Variants in PRKCQ observed in about 807,000 individuals in gnomAD.
PRKCQ encodes protein kinase C theta type.
In PRKCQ, 41 loss-of-function variants were observed where a neutral mutation model predicts 91.2. The ratio of observed to expected loss-of-function variants is 0.45; its 90% confidence interval spans 0.35 to 0.58. The LOEUF (loss-of-function observed/expected upper bound fraction) is 0.58. Among genes scored for constraint, PRKCQ ranks in the 20% least tolerant of loss-of-function variants. The pLI is 0.00. For synonymous variants in PRKCQ, 307 were observed against 316.9 expected, an observed-to-expected ratio of 0.97 and a Z score of 0.33; for missense variants, 673 against 896.5, an observed-to-expected ratio of 0.75 and a Z score of 3.18.
intron 1 of PRKCQ, among the ~76,000 whole-genome samples, chr10:6,527,146 T>C (rs533597238): frequency 4.6e-5 from 7 of 152,294 alleles, no homozygotes; most frequent in Non-Finnish European, 1.0e-4. Flanking sequence ...TTTGGACACG[T>C]TAACTTTGAG....
In PRKCQ at chr10:6,576,120, G is replaced by A. The variant is rs370315313; in HGVS notation, c.-10+4091C>T. On this transcript the variant is annotated intron_variant, in intron 1 of 17. Coordinates refer to ENST00000263125, the MANE Select transcript of PRKCQ (RefSeq NM_006257.5). This position sits in a 1 kb window ranked among gnomAD's most constrained non-coding sequence, Gnocchi z 4.2. ...TCTACCACTGGTGGGAATGTAAAAC[G>A]GTCCAGCCACTGTGGAAAACAATAT... Among the ~76,000 whole-genome samples the A allele has an allele frequency of 8.5e-5, 13 of 152,124 alleles. No homozygotes were observed. The highest frequency in any genetic ancestry group is 6.8e-3 in the Middle Eastern group (2 of 294).
chr10:6,499,583 A>G (rs1837792874), intron 4 of PRKCQ, among the ~76,000 whole-genome samples: 1 of 152,216 alleles, frequency 6.6e-6, no homozygotes, highest in African/African-American at 2.4e-5. Context: ...TGAATAAATA[A>G]ATAAGGATAA....
chr10:6,438,129 G>A (rs1833792052), intron 16 of PRKCQ, among the ~76,000 whole-genome samples: 1 of 152,196 alleles, frequency 6.6e-6, no homozygotes. Context: ...GAATGGAAGT[G>A]GCTCAAATTT....
At chr10:6,478,790 T>C (rs1353037934) in intron 12 of PRKCQ, among the ~76,000 whole-genome samples, 1 of 152,136 alleles carries the variant, frequency 6.6e-6, no homozygotes, top group Non-Finnish European at 1.5e-5. Context: ...GAAGTAAAGA[T>C]CTTTCCCAAT....
chr10:6,498,486 T>C lies in PRKCQ; in HGVS notation c.452A>G (p.Gln151Arg). The change falls in exon 5 of 18, where the codon CAG (glutamine) becomes CGG (arginine). Residue 151 changes from glutamine (Q) to arginine (R), a missense_variant. By Grantham distance (43) the Gln-to-Arg change is conservative (BLOSUM62 1). Coordinates refer to ENST00000263125, the MANE Select transcript of PRKCQ (RefSeq NM_006257.5). ...ALHQRRGAIKQAKVHHVKCHE... is the reference protein window; with the variant it reads ...ALHQRRGAIKRAKVHHVKCHE... ...GCACTTGACGTGGTGGACCTTTGCC[T>C]GCTTGATGGCACCCCGGCGCTGATG... The C allele has an allele frequency of 6.2e-7, 1 of 1,614,204 alleles. No homozygotes were observed. Among genetic ancestry groups the C allele is most frequent in the Non-Finnish European group, 8.5e-7 (1 of 1,180,020 alleles).
intron 1 of PRKCQ, among the ~76,000 whole-genome samples, chr10:6,534,796 A>C: frequency 6.9e-6 from 1 of 145,220 alleles, no homozygotes; most frequent in Admixed American, 6.8e-5. Context: ...ATATATAGAT[A>C]TATATATATA....
chr10:6,487,683 T>C (rs1381786699), intron 8 of PRKCQ, among the ~76,000 whole-genome samples: 2 of 152,050 alleles, frequency 1.3e-5, no homozygotes, highest in Admixed American at 6.5e-5. Flanking sequence ...GTTTTAGAAA[T>C]TCAAATTTTG....
At chr10:6,553,489 C>CAAA (rs869196227) in intron 1 of PRKCQ, among the ~76,000 whole-genome samples, 4 of 8,896 alleles carry the variant, frequency 4.5e-4, no homozygotes, top group Admixed American at 1.4e-3. Flanking sequence ...GACCCTGTCT[C>CAAA]AAAAAAAAAA....
At chr10:6,467,377 GAGAGAGACAGAC>G (rs1835730088) in intron 12 of PRKCQ, among the ~76,000 whole-genome samples, 1 of 99,202 alleles carries the variant, frequency 1.0e-5, no homozygotes, top group Non-Finnish European at 2.2e-5. Flanking sequence ...GAGAGAGACA[GAGAGAGACAGAC>G]AGAGAGAGAG....
chr10:6,511,947 G>T (rs1028443379), intron 2 of PRKCQ, among the ~76,000 whole-genome samples: 2 of 152,146 alleles, frequency 1.3e-5, no homozygotes, highest in Non-Finnish European at 2.9e-5. Flanking sequence ...TTCACTCTGG[G>T]TTTAAACACC....
chr10:6,500,739 A>G (rs893567446), intron 4 of PRKCQ, among the ~76,000 whole-genome samples: 9 of 152,142 alleles, frequency 5.9e-5, no homozygotes, highest in East Asian at 3.9e-4. Flanking sequence ...ATTCTAATCT[A>G]TTTATGTGGT....
chr10:6,517,588 C>CTTT (rs56306878), intron 1 of PRKCQ, among the ~76,000 whole-genome samples: 633 of 49,474 alleles, frequency 0.013, 79 homozygotes, highest in African/African-American at 0.033. Flanking sequence ...AAGATAGCAT[C>CTTT]TTTTTTTTTT....
At chr10:6,451,766 G>A (rs1834694665) in intron 15 of PRKCQ, among the ~76,000 whole-genome samples, 1 of 152,154 alleles carries the variant, frequency 6.6e-6, no homozygotes, top group African/African-American at 2.4e-5. Context: ...TGCAAGGCTG[G>A]TTCAATATAT....
chr10:6,407,310 C>G, the PRKCQ span, among the ~76,000 whole-genome samples: 1 of 150,360 alleles, frequency 6.7e-6, no homozygotes, highest in African/African-American at 2.5e-5. This position sits in a 1 kb window ranked among gnomAD's most constrained non-coding sequence, Gnocchi z 4.0. Context: ...GCATAAGAGG[C>G]ATCTGGAGGG....
At chr10:6,414,618 T>TAAC in the PRKCQ span, among the ~76,000 whole-genome samples, 1 of 152,310 alleles carries the variant, frequency 6.6e-6, no homozygotes, top group Non-Finnish European at 1.5e-5. Context: ...AAATATCTCT[T>TAAC]AACAATTGAA....
At chr10:6,479,962 A>C (rs986442501) in intron 11 of PRKCQ, among the ~76,000 whole-genome samples, 2 of 151,978 alleles carry the variant, frequency 1.3e-5, no homozygotes, top group Non-Finnish European at 2.9e-5. Flanking sequence ...AAAATAAAAA[A>C]AAATAAATAA....
At chr10:6,574,435 C>T (rs1841152499) in intron 1 of PRKCQ, among the ~76,000 whole-genome samples, 1 of 152,190 alleles carries the variant, frequency 6.6e-6, no homozygotes, top group South Asian at 2.1e-4. Flanking sequence ...GGGTTTGTAC[C>T]TGTTACCCAA....
intron 1 of PRKCQ, among the ~76,000 whole-genome samples, chr10:6,568,209 T>C (rs1840901938): frequency 6.6e-6 from 1 of 151,838 alleles, no homozygotes; most frequent in South Asian, 2.1e-4. Flanking sequence ...AGCGAGACTC[T>C]TGTCTCCAAA....
chr10:6,574,022 C>T (rs4750637), intron 1 of PRKCQ, among the ~76,000 whole-genome samples: 57,979 of 152,046 alleles, frequency 0.38, 11,092 homozygotes, highest in African/African-American at 0.41. Context: ...AGGCTGAGGC[C>T]GGAGGATCCC....
Sources: allele counts gnomAD v4.1 joint callset (sites outside exome capture counted in the v4.1 genomes callset), GRCh38; gene constraint gnomAD v4.1.1; non-coding constraint Gnocchi (gnomAD v3.1); transcripts MANE v1.5; gene names NCBI Gene and HGNC (gene_info 2026-07-23, HGNC 2026-07-21).